Variants in NLRP10 observed in about 807,000 individuals in gnomAD.
NLRP10 encodes NLR family pyrin domain containing 10.
A neutral mutation model predicts 8.2 loss-of-function variants in NLRP10; 7 were observed. That is an observed-to-expected ratio of 0.85 (90% CI 0.48 to 1.60). The LOEUF (loss-of-function observed/expected upper bound fraction) is 1.60, where lower values mean the gene tolerates loss of function less well. Ranked by LOEUF, NLRP10 falls within the 40% of genes most tolerant of loss-of-function variation. The probability of loss-of-function intolerance (pLI) is 0.00; values close to 1 mark genes in which losing one functional copy is unlikely to be tolerated. For synonymous variants in NLRP10, 338 were observed against 314.0 expected (o/e 1.08, Z -0.81); for missense variants, 814 against 776.3 (o/e 1.05, Z -0.58).
chr11:7,959,617 A>G lies in NLRP10; in HGVS notation c.*27T>C. 4 of 1,163,906 alleles carry G rather than the reference A, an allele frequency of 3.4e-6. No individual in the cohort carries two copies. The highest frequency in any genetic ancestry group is 2.0e-4 in the Middle Eastern group (1 of 4,920). 72.1% of individuals were successfully genotyped at this position (1,163,906 alleles called of 1,614,324 possible). A position where few individuals can be genotyped will look rare whatever the true frequency, so the allele number is the denominator to read the frequency against. On this transcript the variant is annotated 3_prime_UTR_variant, in exon 3 of 3. Transcript: ENST00000691676. Reference sequence around the variant, plus strand: ...CTCAGAGTGTTGTCATTTTCCTCATAGAGATCTTGTACATATTTAATTAGG... The same window carrying G: ...CTCAGAGTGTTGTCATTTTCCTCATGGAGATCTTGTACATATTTAATTAGG...
Position 7,959,979 on chromosome 11 carries a change from G to A in NLRP10, c.1633C>T (p.Leu545=). 9 of 1,614,102 alleles carry A rather than the reference G, an allele frequency of 5.6e-6. No individual in the cohort carries two copies. Among genetic ancestry groups the A allele is most frequent in the Non-Finnish European group, 7.6e-6 (9 of 1,180,000 alleles). ...TCCATCTGTTCTTTAAAATGCTTCAGATCCTGCGCTAAACAGGGAGAAATT... is the reference window on the plus strand; with the variant it reads ...TCCATCTGTTCTTTAAAATGCTTCAAATCCTGCGCTAAACAGGGAGAAATT... ...FRISPCLAQD[L]KHFKEQMESM... The change falls in exon 3 of 3, where the codon CTG becomes TTG. Residue 545 remains leucine (L), a synonymous_variant. Transcript: ENST00000691676.
At position 7,959,914 on chromosome 11, in the gene NLRP10, G is replaced by C. The variant is rs267603215; in HGVS notation, c.1698C>G (p.Ser566=). Residue 566 remains serine, a synonymous_variant, in exon 3 of 3, where the codon TCC becomes TCG. Transcript: ENST00000691676. Reference sequence around the variant, plus strand: ...GATTCTTTATTTTAGCTTCATACAGGGAGAATTCCAAATCCCAGGTCCTGT... The same window carrying C: ...GATTCTTTATTTTAGCTTCATACAGCGAGAATTCCAAATCCCAGGTCCTGT... The part of the protein sequence containing the change: ...KHNRTWDLEF[S]LYEAKIKNLV... 2 of 1,613,766 alleles carry C rather than the reference G, an allele frequency of 1.2e-6. No individual in the cohort carries two copies. The highest frequency in any genetic ancestry group is 1.7e-6 in the Non-Finnish European group (2 of 1,179,866).
intron 2 of NLRP10, among the ~76,000 whole-genome samples, chr11:7,961,906 A>T (rs937546377): frequency 1.6e-4 from 25 of 152,152 alleles, no homozygotes; most frequent in African/African-American, 5.8e-4. Context: ...TCATGGGGGC[A>T]AATCCCTCAT....
rs201321755 is a variant in NLRP10 at position 7,960,156 on chromosome 11, G to A, written c.1456C>T (p.Arg486Trp). Residue 486 changes from arginine (R) to tryptophan (W), a missense_variant, in exon 3 of 3, where the codon CGG becomes TGG. Arg to Trp is a moderately radical substitution (Grantham distance 101, BLOSUM62 -3). Transcript: ENST00000691676. ...TCTCTGCGGGACTCCTTCCCCAGCC[G>A]GCTTTGGTCCTCTTTCACCAGGTAA... is the stretch of plus-strand genomic sequence containing the variant. Reference protein sequence around the residue: ...MSYLVKEDQSRLGKESRREVQ... With the variant: ...MSYLVKEDQSWLGKESRREVQ... 8 of 1,614,110 alleles carry A rather than the reference G, an allele frequency of 5.0e-6. No individual in the cohort carries two copies. The highest frequency in any genetic ancestry group is 2.2e-5 in the East Asian group (1 of 44,880).
In NLRP10 at chr11:7,960,723, A is replaced by C; in HGVS notation, c.889T>G (p.Leu297Val). ...TTCAGCAAGGGCTCCAGATTCCTCA[A>C]AGCCAGGGGCCGGGTGGTGATGAGA... is the stretch of plus-strand genomic sequence containing the variant. ...SLLITTRPLA[L>V]RNLEPLLKQA... Residue 297 changes from leucine (L) to valine (V), a missense_variant, in exon 3 of 3, where the codon TTG becomes GTG. Leu to Val is a conservative substitution (Grantham distance 32, BLOSUM62 1). Transcript: ENST00000691676. 1 of 1,614,152 alleles carries C rather than the reference A, an allele frequency of 6.2e-7. No homozygotes were observed. Among genetic ancestry groups the C allele is most frequent in the African/African-American group, 1.3e-5 (1 of 75,040 alleles).
chr11:7,960,437 A>G lies in NLRP10; in HGVS notation c.1175T>C (p.Phe392Ser), dbSNP rs1167471251. Residue 392 changes from phenylalanine (F) to serine (S), a missense_variant, in exon 3 of 3, where the codon TTT (phenylalanine) becomes TCT (serine). Phe to Ser is a radical substitution (Grantham distance 155, BLOSUM62 -2). Transcript: ENST00000691676. ...TDIFMAYVST[F>S]LPPDDDGGCS... is the part of the protein sequence containing the mutation. Reference sequence around the variant, plus strand: ...GCCCCCATCATCATCGGGCGGCAGAAAGGTGGAGACGTAAGCCATGAAGAT... The same window carrying G: ...GCCCCCATCATCATCGGGCGGCAGAGAGGTGGAGACGTAAGCCATGAAGAT... The G allele has an allele frequency of 3.4e-5, 55 of 1,613,942 alleles. No individual in the cohort carries two copies. Among genetic ancestry groups the G allele is most frequent in the Non-Finnish European group, 4.5e-5 (53 of 1,180,050 alleles).
rs774102396 is a variant in NLRP10 at position 7,963,385 on chromosome 11, C to T, written c.111G>A (p.Leu37=). The T allele has an allele frequency of 1.2e-6, 2 of 1,614,214 alleles. No individual in the cohort carries two copies. The highest frequency in any genetic ancestry group is 1.6e-4 in the Middle Eastern group (1 of 6,062). The change falls in exon 2 of 3, where the codon CTG becomes CTA. Residue 37 remains leucine (L), a synonymous_variant. Transcript: ENST00000691676. ...TGGCCAGTGGGGGCTGGCCCTCAGA[C>T]AGGGTCATATCCCGTAAGTAGAACT... ...KLKFYLRDMT[L]SEGQPPLARG... is the part of the protein sequence containing the mutation.
chr11:7,960,043 T>C lies in NLRP10; in HGVS notation c.1569A>G (p.Lys523=). 1 of 1,614,092 alleles carries C rather than the reference T, an allele frequency of 6.2e-7. No homozygotes were observed. Among genetic ancestry groups the C allele is most frequent in the African/African-American group, 1.3e-5 (1 of 75,040 alleles). The change falls in exon 3 of 3, where the codon AAA becomes AAG. Residue 523 remains lysine, a synonymous_variant. Coordinates refer to ENST00000691676, the MANE Select transcript of NLRP10 (RefSeq NM_001391958.1). ...TMQFLLDISK[K]DSFSNLELKF... is the part of the protein sequence containing the mutation. ...TGAGCTCCAAGTTCGAGAAGCTGTC[T>C]TTTTTCGAGATGTCCAGTAAAAACT...
Position 7,960,945 on chromosome 11 carries a change from G to A in NLRP10, c.667C>T (p.Leu223Phe), listed in dbSNP as rs1178630845. 2 of 1,614,082 alleles carry A rather than the reference G, an allele frequency of 1.2e-6. No individual in the cohort carries two copies. The highest frequency in any genetic ancestry group is 1.7e-6 in the Non-Finnish European group (2 of 1,180,046). Residue 223 changes from leucine to phenylalanine, a missense_variant, in exon 3 of 3, where the codon CTT becomes TTT. Leu to Phe is a conservative substitution (Grantham distance 22). Transcript: ENST00000691676. ...TGATTGTCCCCGCAGCACCAGAAAA[G>A]GAGCTGCTCCAGTTTGCTCTCCAGC... Reference protein sequence around the residue: ...LLLESKLEQLLFWCCGDNQAP... With the variant: ...LLLESKLEQLFFWCCGDNQAP...
In NLRP10 at chr11:7,959,940, T is replaced by G. The variant is rs1564877121; in HGVS notation, c.1672A>C (p.Asn558His). 6.2e-7 allele frequency: 1 copy of G among 1,614,222 alleles called. No individual in the cohort carries two copies. Among genetic ancestry groups the G allele is most frequent in the Non-Finnish European group, 8.5e-7 (1 of 1,180,018 alleles). Residue 558 changes from asparagine to histidine, a missense_variant, in exon 3 of 3, where the codon AAC becomes CAC. Transcript: ENST00000691676. ...GAGAATTCCAAATCCCAGGTCCTGT[T>G]GTGCTTCATAGATTCCATCTGTTCT... is the stretch of plus-strand genomic sequence containing the variant. Reference protein sequence around the residue: ...FKEQMESMKHNRTWDLEFSLY... With the variant: ...FKEQMESMKHHRTWDLEFSLY...
Position 7,959,868 on chromosome 11 carries a change from T to G in NLRP10, c.1744A>C (p.Asn582His). 3 of 1,613,338 alleles carry G rather than the reference T, an allele frequency of 1.9e-6. No individual in the cohort carries two copies. Among genetic ancestry groups the G allele is most frequent in the African/African-American group, 2.7e-5 (2 of 75,046 alleles). Residue 582 changes from asparagine (N) to histidine (H), a missense_variant, in exon 3 of 3, where the codon AAC (asparagine) becomes CAC (histidine). Transcript: ENST00000691676. The part of the protein sequence containing the change: ...IKNLVKGIQM[N>H]NVSFKIKHSN... ...TGTTTTATCTTGAATGATACATTGT[T>G]CATCTGAATACCTTTTACCAGATTC...
At position 7,960,765 on chromosome 11, in the gene NLRP10, G is replaced by GTGTAT; in HGVS notation, c.842_846dup (p.Leu283IlefsTer17). On this transcript the variant is annotated frameshift_variant, in exon 3 of 3. Transcript: ENST00000691676. LOFTEE classifies it low-confidence loss of function (END_TRUNC). ...GTGATGAGAAGGGAGCACGTGGGGA[G>GTGTAT]TGTATGTCTCCTAATTAGAAGGTGC... The GTGTAT allele has an allele frequency of 6.2e-7, 1 of 1,614,122 alleles. No individual in the cohort carries two copies. Among genetic ancestry groups the GTGTAT allele is most frequent in the South Asian group, 1.1e-5 (1 of 91,074 alleles).
In NLRP10 at chr11:7,960,706, G is replaced by A. The variant is rs1297570766; in HGVS notation, c.906C>T (p.Pro302=). ...TRPLALRNLE[P]LLKQARHVHI... ...GGACATGACGTGCTTGTTTCAGCAA[G>A]GGCTCCAGATTCCTCAAAGCCAGGG... The change falls in exon 3 of 3, where the codon CCC becomes CCT. Residue 302 remains proline, a synonymous_variant. Transcript: ENST00000691676. 1 of 1,614,062 alleles carries A rather than the reference G, an allele frequency of 6.2e-7. No individual in the cohort carries two copies. Among genetic ancestry groups the A allele is most frequent in the African/African-American group, 1.3e-5 (1 of 74,918 alleles).
In NLRP10 at chr11:7,963,442, A is replaced by G. The variant is rs1941767671; in HGVS notation, c.54T>C (p.Ser18=). ...KPREALLWAL[S]DLEENDFKKL... ...TCTTGAAATCGTTCTCCTCAAGGTC[A>G]CTCAAGGCCCAGAGCAATGCCTCCC... The change falls in exon 2 of 3, where the codon AGT becomes AGC. Residue 18 remains serine, a synonymous_variant. Transcript: ENST00000691676. The G allele has an allele frequency of 5.6e-6, 9 of 1,614,036 alleles. No individual in the cohort carries two copies. Among genetic ancestry groups the G allele is most frequent in the Non-Finnish European group, 5.9e-6 (7 of 1,179,992 alleles).
chr11:7,961,299 G>A lies in NLRP10; in HGVS notation c.313C>T (p.His105Tyr), dbSNP rs1179018522. 3.2e-6 allele frequency: 5 copies of A among 1,585,536 alleles called. No homozygotes were observed. The highest frequency in any genetic ancestry group is 4.3e-6 in the Non-Finnish European group (5 of 1,164,112). ...TGCCATTCCTCTAGGCAGCGCACAT[G>A]CTCTCGGTATACTTCTCTGTAATCT... ...LHDYREVYRE[H>Y]VRCLEEWQEA... is the part of the protein sequence containing the mutation. Residue 105 changes from histidine (H) to tyrosine (Y), a missense_variant, in exon 3 of 3, where the codon CAT becomes TAT. By Grantham distance (83) the His-to-Tyr change is moderately conservative. Coordinates refer to ENST00000691676, the MANE Select transcript of NLRP10 (RefSeq NM_001391958.1).
rs1466764312 is a variant in NLRP10, at chr11:7,960,432, G to A, written c.1180C>T (p.Pro394Ser). The A allele has an allele frequency of 2.5e-6, 4 of 1,613,886 alleles. No homozygotes were observed. The highest frequency in any genetic ancestry group is 2.7e-5 in the African/African-American group (2 of 74,914). Residue 394 changes from proline (P) to serine (S), a missense_variant, in exon 3 of 3, where the codon CCG becomes TCG. Pro to Ser is a moderately conservative substitution (Grantham distance 74). Coordinates refer to ENST00000691676, the MANE Select transcript of NLRP10 (RefSeq NM_001391958.1). Reference protein sequence around the residue: ...IFMAYVSTFLPPDDDGGCSEL... With the variant: ...IFMAYVSTFLSPDDDGGCSEL... The stretch of plus-strand genomic sequence containing the variant: ...GAGCAGCCCCCATCATCATCGGGCG[G>A]CAGAAAGGTGGAGACGTAAGCCATG...
Position 7,960,505 on chromosome 11 carries a change from C to G in NLRP10, c.1107G>C (p.Glu369Asp), listed in dbSNP as rs1441086645. Residue 369 changes from glutamate (E) to aspartate (D), a missense_variant, in exon 3 of 3, where the codon GAG (glutamate) becomes GAC (aspartate). Physicochemically the swap from Glu to Asp is conservative, Grantham distance 45. Transcript: ENST00000691676. The stretch of plus-strand genomic sequence containing the variant: ...GTGTCTCTAAGACAACTTTGCCTCT[C>G]TCCATCTGCCCCTGCAGCCAGGAGC... ...VVCSWLQGQM[E>D]RGKVVLETPR... 8 of 1,614,214 alleles carry G rather than the reference C, an allele frequency of 5.0e-6. No homozygotes were observed. The highest frequency in any genetic ancestry group is 5.9e-6 in the Non-Finnish European group (7 of 1,180,044).
chr11:7,960,442 G>A lies in NLRP10; in HGVS notation c.1170C>T (p.Ser390=), dbSNP rs774792929. The A allele has an allele frequency of 3.7e-6, 6 of 1,613,962 alleles. No individual in the cohort carries two copies. Among genetic ancestry groups the A allele is most frequent in the Non-Finnish European group, 5.1e-6 (6 of 1,180,046 alleles). The change falls in exon 3 of 3, where the codon TCC becomes TCT. Residue 390 remains serine (S), a synonymous_variant. Coordinates refer to ENST00000691676, the MANE Select transcript of NLRP10 (RefSeq NM_001391958.1). ...CATCATCATCGGGCGGCAGAAAGGTGGAGACGTAAGCCATGAAGATGTCAG... is the reference window on the plus strand; with the variant it reads ...CATCATCATCGGGCGGCAGAAAGGTAGAGACGTAAGCCATGAAGATGTCAG... The part of the protein sequence containing the change: ...NSTDIFMAYV[S]TFLPPDDDGG...
In NLRP10 at chr11:7,963,338, A is replaced by G; in HGVS notation, c.158T>C (p.Ile53Thr). 1 of 1,614,250 alleles carries G rather than the reference A, an allele frequency of 6.2e-7. No homozygotes were observed. The highest frequency in any genetic ancestry group is 8.5e-7 in the Non-Finnish European group (1 of 1,180,048). The change falls in exon 2 of 3, where the codon ATT becomes ACT. Residue 53 changes from isoleucine to threonine, a missense_variant. Transcript: ENST00000691676. ...CAGTAATTCTGCCAGGTCCACCGGA[A>G]TCAGGCCCTCCAACTCCCCTCTGGC... ...PLARGELEGL[I>T]PVDLAELLIS... is the part of the protein sequence containing the mutation.
Sources: allele counts gnomAD v4.1 joint callset (sites outside exome capture counted in the v4.1 genomes callset), GRCh38; gene constraint gnomAD v4.1.1; transcripts MANE v1.5; gene names NCBI Gene and HGNC (gene_info 2026-07-23, HGNC 2026-07-21).